Variants in CNTN4 observed in about 807,000 individuals in gnomAD.
The protein encoded by CNTN4 is contactin-4.
In CNTN4, 77 loss-of-function variants were observed where a neutral mutation model predicts 122.5. That is an observed-to-expected ratio of 0.63 (90% CI 0.52 to 0.76). The LOEUF (loss-of-function observed/expected upper bound fraction) is 0.76, where lower values mean the gene tolerates loss of function less well. Ranked by LOEUF, CNTN4 falls within the 30% of genes least tolerant of loss-of-function variation. The pLI is 0.00. For synonymous variants in CNTN4, 512 were observed against 447.0 expected (o/e 1.15, Z -1.83); for missense variants, 1,256 against 1,259.1 (o/e 1.00, Z 0.04).
At chr3:2,215,785 A>G (rs1291362443) in intron 2 of CNTN4, among the ~76,000 whole-genome samples, 2 of 148,310 alleles carry the variant, frequency 1.3e-5, no homozygotes, top group African/African-American at 5.0e-5. Context: ...TGGGAGATTG[A>G]GGCAGGAGAA....
At chr3:2,161,062 T>C (rs748460084) in intron 2 of CNTN4, among the ~76,000 whole-genome samples, 1 of 152,270 alleles carries the variant, frequency 6.6e-6, no homozygotes, top group Middle Eastern at 3.4e-3. Flanking sequence ...GAGTCAAAGA[T>C]GGAGGCTTCT....
intron 3 of CNTN4, among the ~76,000 whole-genome samples, chr3:2,390,412 C>T (rs564475079): frequency 6.6e-6 from 1 of 152,062 alleles, no homozygotes; most frequent in East Asian, 1.9e-4. Context: ...AGTTTCTATC[C>T]ATTAATATAT....
At chr3:2,802,026 CTAT>C (rs1305280008) in intron 6 of CNTN4, among the ~76,000 whole-genome samples, 2 of 152,160 alleles carry the variant, frequency 1.3e-5, no homozygotes, top group East Asian at 2.0e-4. Context: ...GTTGCTGCTA[CTAT>C]TATTATTACA....
At chr3:2,682,339 G>A (rs894697461) in intron 4 of CNTN4, among the ~76,000 whole-genome samples, 2 of 152,116 alleles carry the variant, frequency 1.3e-5, no homozygotes, top group East Asian at 1.9e-4. Flanking sequence ...AAGGTGGCTC[G>A]TTCACTAGGC....
chr3:2,786,189 G>C (rs1441624579), intron 6 of CNTN4, among the ~76,000 whole-genome samples: 2 of 152,012 alleles, frequency 1.3e-5, no homozygotes, highest in East Asian at 3.9e-4. Context: ...CCTCCAATTT[G>C]TTTGTATGAC....
intron 2 of CNTN4, among the ~76,000 whole-genome samples, chr3:2,164,681 T>C (rs1056062830): frequency 1.3e-5 from 2 of 152,164 alleles, no homozygotes; most frequent in Non-Finnish European, 2.9e-5. Flanking sequence ...TTATCCAGTT[T>C]CTCATCTGCC....
At chr3:2,480,599 C>T (rs2151576367) in intron 3 of CNTN4, among the ~76,000 whole-genome samples, 1 of 152,274 alleles carries the variant, frequency 6.6e-6, no homozygotes, top group Non-Finnish European at 1.5e-5. Flanking sequence ...CTAGAAAACT[C>T]TGATAAAAGA....
At position 2,522,055 on chromosome 3, in the gene CNTN4, A is replaced by C. The variant is rs527430784; in HGVS notation, c.-88-49361A>C. Among the ~76,000 whole-genome samples, 7 of 152,206 alleles carry C rather than the reference A, an allele frequency of 4.6e-5. No homozygotes were observed. In the South Asian group the frequency reaches 1.5e-3, roughly 32 times the overall value. On this transcript the variant is annotated intron_variant, in intron 3 of 24. Transcript: ENST00000418658. ...TTCTAACTCTGCTTTTTAATTAAAC[A>C]CAGAGCACTTAGGGGTTTATTTATC...
intron 7 of CNTN4, among the ~76,000 whole-genome samples, chr3:2,831,440 T>G (rs1374407374): frequency 6.6e-6 from 1 of 152,230 alleles, no homozygotes; most frequent in African/African-American, 2.4e-5. Flanking sequence ...GTCTGCATTA[T>G]GAACTCAAAG....
In CNTN4 at chr3:3,057,700, G is replaced by T. The variant is rs1188832662; in HGVS notation, c.*1480G>T. The stretch of plus-strand genomic sequence containing the variant: ...AAGTCATAATCGGGATTCCATTTGT[G>T]TAAAAACTAGGGTGGTAACCGGAAA... On this transcript the variant is annotated 3_prime_UTR_variant, in exon 25 of 25. Coordinates refer to ENST00000418658, the MANE Select transcript of CNTN4 (RefSeq NM_175607.3). 6.6e-6 allele frequency: 1 copy of T among 152,400 alleles called. No individual in the cohort carries two copies. The highest frequency in any genetic ancestry group is 1.5e-5 in the Non-Finnish European group (1 of 68,014). 9.4% of individuals were successfully genotyped at this position (152,400 alleles called of 1,614,324 possible). A position where few individuals can be genotyped will look rare whatever the true frequency, so the allele number is the denominator to read the frequency against.
chr3:2,635,334 C>G (rs374612586), intron 4 of CNTN4, among the ~76,000 whole-genome samples: 5 of 152,132 alleles, frequency 3.3e-5, no homozygotes, highest in Non-Finnish European at 7.4e-5. Context: ...AAAATATTTT[C>G]TCTTCATTTT....
intron 5 of CNTN4, among the ~76,000 whole-genome samples, chr3:2,736,813 G>T (rs2149494053): frequency 7.6e-6 from 1 of 130,792 alleles, no homozygotes; most frequent in East Asian, 2.6e-4. Context: ...TTTATTTAGA[G>T]ACGGAGTCTC....
intron 3 of CNTN4, among the ~76,000 whole-genome samples, chr3:2,468,298 C>T (rs1292731752): frequency 2.0e-5 from 3 of 152,108 alleles, no homozygotes; most frequent in Non-Finnish European, 4.4e-5. Flanking sequence ...GGAATTTCCT[C>T]GAGACCCATG....
intron 2 of CNTN4, among the ~76,000 whole-genome samples, chr3:2,146,922 G>A (rs143552029): frequency 0.023 from 3,560 of 151,974 alleles, 138 homozygotes; most frequent in African/African-American, 0.081. Context: ...TCACTCTGTC[G>A]CCCAGGCTGG....
intron 13 of CNTN4, among the ~76,000 whole-genome samples, chr3:2,962,014 A>G (rs1406579616): frequency 1.3e-5 from 2 of 152,236 alleles, no homozygotes; most frequent in African/African-American, 4.8e-5. Context: ...AAAACATGTC[A>G]AAGACAATTA....
intron 10 of CNTN4, among the ~76,000 whole-genome samples, chr3:2,898,420 C>G (rs2094138295): frequency 6.6e-6 from 1 of 152,196 alleles, no homozygotes; most frequent in Non-Finnish European, 1.5e-5. Flanking sequence ...GTATTCTCAT[C>G]TGGTTCCTTG....
At chr3:2,143,972 A>G (rs1426768565) in intron 2 of CNTN4, among the ~76,000 whole-genome samples, 1 of 152,236 alleles carries the variant, frequency 6.6e-6, no homozygotes, top group Non-Finnish European at 1.5e-5. Flanking sequence ...GTAACAGCAA[A>G]TAGTGAGAGG....
chr3:2,666,980 C>T (rs1478612851), intron 4 of CNTN4, among the ~76,000 whole-genome samples: 1 of 151,936 alleles, frequency 6.6e-6, no homozygotes, highest in Non-Finnish European at 1.5e-5. Context: ...TTTCTTAATC[C>T]ACTCTATCAT....
intron 10 of CNTN4, among the ~76,000 whole-genome samples, chr3:2,891,871 G>T (rs938600464): frequency 6.6e-6 from 1 of 152,200 alleles, no homozygotes; most frequent in Non-Finnish European, 1.5e-5. Flanking sequence ...AGACCGCTCA[G>T]GTTGTTTTGT....
Sources: gnomAD v4.1 joint callset for allele counts (sites outside exome capture counted in the v4.1 genomes callset) on GRCh38, gnomAD v4.1.1 for gene constraint, MANE v1.5 for transcripts, NCBI Gene and HGNC (gene_info 2026-07-23, HGNC 2026-07-21) for gene names.